RBMS3: variants seen among roughly 807,000 people sequenced by gnomAD.
RBMS3 encodes RNA binding motif single stranded interacting protein 3.
Under a neutral mutation model 66.8 loss-of-function variants are expected in RBMS3, and 27 were observed. The ratio of observed to expected loss-of-function variants is 0.40; its 90% CI spans 0.30 to 0.56. The LOEUF is 0.56. Ranked by LOEUF, RBMS3 falls within the 20% of genes least tolerant of loss-of-function variation. The pLI, the probability that RBMS3 is intolerant of heterozygous loss-of-function variation, is 0.40. For synonymous variants in RBMS3, 188 were observed against 183.0 expected (o/e 1.03, Z -0.22); for missense variants, 513 against 549.5 (o/e 0.93, Z 0.66).
At chr3:29,377,973 T>A (rs1172906936) in intron 1 of RBMS3, among the ~76,000 whole-genome samples, 2 of 152,184 alleles carry the variant, frequency 1.3e-5, no homozygotes, top group African/African-American at 4.8e-5. Context: ...TTGATCCCAT[T>A]CCTGATATTA....
At chr3:29,705,963 C>A (rs1323409577) in intron 4 of RBMS3, among the ~76,000 whole-genome samples, 3 of 152,152 alleles carry the variant, frequency 2.0e-5, no homozygotes. Flanking sequence ...TTCAACAAAA[C>A]AGCAGGTGTA....
At chr3:29,723,286 G>C in intron 4 of RBMS3, among the ~76,000 whole-genome samples, 2 of 152,110 alleles carry the variant, frequency 1.3e-5, no homozygotes, top group East Asian at 3.9e-4. Flanking sequence ...TCACTCACTA[G>C]TTTTTACATA....
chr3:29,957,372 T>C (rs1696113198), intron 12 of RBMS3, among the ~76,000 whole-genome samples: 1 of 152,166 alleles, frequency 6.6e-6, no homozygotes, highest in Non-Finnish European at 1.5e-5. Flanking sequence ...AAAATGCTGA[T>C]TCGTTAGACA....
intron 1 of RBMS3, among the ~76,000 whole-genome samples, chr3:29,394,979 A>C (rs372724767): frequency 3.3e-5 from 5 of 151,942 alleles, no homozygotes; most frequent in African/African-American, 1.2e-4. Flanking sequence ...TGCTCTGGCC[A>C]CCCCACTTAA....
intron 1 of RBMS3, among the ~76,000 whole-genome samples, chr3:29,338,995 T>C (rs561106918): frequency 1.3e-5 from 2 of 152,280 alleles, no homozygotes; most frequent in South Asian, 4.1e-4. Context: ...TTGCTACTAA[T>C]TGTCATCTTT....
chr3:29,744,785 G>GGA (rs34726699), intron 5 of RBMS3, among the ~76,000 whole-genome samples: 49,373 of 137,958 alleles, frequency 0.36, 8,931 homozygotes, highest in South Asian at 0.54. Context: ...CTCCGTCTCG[G>GGA]AAAAAAAAAA....
At chr3:29,940,415 G>A (rs989193410) in intron 11 of RBMS3, among the ~76,000 whole-genome samples, 1 of 151,896 alleles carries the variant, frequency 6.6e-6, no homozygotes, top group African/African-American at 2.4e-5. Context: ...TCTAGAAACA[G>A]ATGGGTTCCA....
At chr3:29,693,962 T>G (rs935576927) in intron 4 of RBMS3, among the ~76,000 whole-genome samples, 8 of 152,218 alleles carry the variant, frequency 5.3e-5, no homozygotes, top group African/African-American at 1.9e-4. Flanking sequence ...ACATGATCAG[T>G]GTTTGAGTTT....
intron 2 of RBMS3, among the ~76,000 whole-genome samples, chr3:29,484,064 C>A (rs1017968751): frequency 2.0e-5 from 3 of 152,206 alleles, no homozygotes; most frequent in African/African-American, 7.2e-5. Flanking sequence ...TTCTAGGCTT[C>A]TGTTATCATA....
intron 6 of RBMS3, among the ~76,000 whole-genome samples, chr3:29,814,791 T>G (rs9832167): frequency 0.12 from 18,356 of 152,096 alleles, 1,790 homozygotes; most frequent in African/African-American, 0.27. Context: ...AATAATAAAT[T>G]TAAAAAAAAT....
chr3:29,474,803 T>C (rs975032033), intron 2 of RBMS3, among the ~76,000 whole-genome samples: 6 of 152,130 alleles, frequency 3.9e-5, no homozygotes, highest in Non-Finnish European at 7.3e-5. Flanking sequence ...AAGTTGTGAG[T>C]AGAGAGGCAG....
At position 29,651,866 on chromosome 3, in the gene RBMS3, T is replaced by A. The variant is rs571973271; in HGVS notation, c.399+64661T>A. Among the ~76,000 whole-genome samples, 7 of 152,288 alleles carry A rather than the reference T, an allele frequency of 4.6e-5. No individual in the cohort carries two copies. In the East Asian group the frequency reaches 1.2e-3, roughly 25 times the overall value. On this transcript the variant is annotated intron_variant, in intron 4 of 14. Transcript: ENST00000383767. ...TTGTCATGCATCATATAATTTTAAA[T>A]ACATTCTAGAAATAAATAAATAATA...
In RBMS3 at chr3:29,966,641, G is replaced by A. The variant is rs138526996; in HGVS notation, c.1099-21502G>A. On this transcript the variant is annotated intron_variant, in intron 12 of 14. Coordinates refer to ENST00000383767, the MANE Select transcript of RBMS3 (RefSeq NM_001003793.3). ...GTAAATAATCATATTCTCAGCAAAC[G>A]GACAGTTTGACTTCTTCTTTACTGA... Among the ~76,000 whole-genome samples the A allele has an allele frequency of 6.6e-5, 10 of 152,126 alleles. No individual in the cohort carries two copies. In the East Asian group the frequency reaches 1.2e-3, roughly 18 times the overall value.
At chr3:29,295,113 CA>C (rs2033133349) in intron 1 of RBMS3, among the ~76,000 whole-genome samples, 1 of 151,254 alleles carries the variant, frequency 6.6e-6, no homozygotes, top group African/African-American at 2.4e-5. Context: ...TATCTGAAAA[CA>C]ATAACCCTGT....
intron 2 of RBMS3, among the ~76,000 whole-genome samples, chr3:29,481,083 G>A (rs1417482224): frequency 6.6e-6 from 1 of 152,160 alleles, no homozygotes; most frequent in East Asian, 1.9e-4. Context: ...CCTGTGGCTA[G>A]CTCAGTGTCC....
At chr3:29,369,513 C>T in intron 1 of RBMS3, among the ~76,000 whole-genome samples, 1 of 150,986 alleles carries the variant, frequency 6.6e-6, no homozygotes, top group South Asian at 2.1e-4. Context: ...CACACACACA[C>T]ACACACACAC....
At chr3:29,295,636 A>G (rs2125435022) in intron 1 of RBMS3, among the ~76,000 whole-genome samples, 1 of 151,588 alleles carries the variant, frequency 6.6e-6, no homozygotes, top group African/African-American at 2.4e-5. Context: ...CAGGTTAACT[A>G]CTTTTTCAAT....
At chr3:29,293,368 A>G (rs2032979730) in intron 1 of RBMS3, among the ~76,000 whole-genome samples, 1 of 151,792 alleles carries the variant, frequency 6.6e-6, no homozygotes, top group Non-Finnish European at 1.5e-5. Context: ...ACACAGTACC[A>G]ACTGCTTATT....
chr3:29,970,441 A>G (rs1577281829), intron 12 of RBMS3, among the ~76,000 whole-genome samples: 2 of 152,154 alleles, frequency 1.3e-5, no homozygotes, highest in South Asian at 2.1e-4. Flanking sequence ...TTATTTCATT[A>G]GTTTTATTTT....
Sources: gnomAD v4.1 joint callset for allele counts (sites outside exome capture counted in the v4.1 genomes callset) on GRCh38, gnomAD v4.1.1 for gene constraint, MANE v1.5 for transcripts, NCBI Gene and HGNC (gene_info 2026-07-23, HGNC 2026-07-21) for gene names.